WLS: variants seen among roughly 807,000 people sequenced by gnomAD.
WLS encodes protein wntless homolog.
In WLS, 23 loss-of-function variants were observed where a neutral mutation model predicts 62.8. That is an observed-to-expected ratio of 0.37 (90% confidence interval 0.26 to 0.52). WLS has a LOEUF of 0.52. Among genes scored for constraint, WLS ranks in the 20% least tolerant of loss-of-function variants. The pLI is 0.92. For missense variants in WLS, 615 were observed against 697.3 expected (o/e 0.88, Z 1.33); for synonymous variants, 246 against 244.1 (o/e 1.01, Z -0.07).
At chr1:68,207,505 T>C (rs1046257763) in intron 1 of WLS, among the ~76,000 whole-genome samples, 7 of 152,218 alleles carry the variant, frequency 4.6e-5, no homozygotes, top group East Asian at 1.9e-4. Context: ...TCCTAATATA[T>C]TTCAAAATTT....
intron 5 of WLS, among the ~76,000 whole-genome samples, chr1:68,152,058 A>G (rs1444888041): frequency 6.6e-6 from 1 of 152,196 alleles, no homozygotes; most frequent in Non-Finnish European, 1.5e-5. Context: ...TGAAAAACAG[A>G]GACATACAGG....
chr1:68,147,062 T>C (rs1483332113), intron 8 of WLS, among the ~76,000 whole-genome samples: 2 of 152,164 alleles, frequency 1.3e-5, no homozygotes, highest in Non-Finnish European at 2.9e-5. Context: ...AAATTGTCTA[T>C]TTTTAAAAGC....
rs1481250212 is a variant in WLS, at chr1:68,138,057, C to A, written c.1363-124G>T. On this transcript the variant is annotated intron_variant, in intron 10 of 11. Coordinates refer to ENST00000262348, the MANE Select transcript of WLS (RefSeq NM_024911.7). ...TCTACATGTGGGAAACATGAAGGGCCATGTAAGACTCCATCTTTTAATCTG... is the reference window on the plus strand; with the variant it reads ...TCTACATGTGGGAAACATGAAGGGCAATGTAAGACTCCATCTTTTAATCTG... 3 of 1,050,528 alleles carry A rather than the reference C, an allele frequency of 2.9e-6. No homozygotes were observed. In the African/African-American group the frequency reaches 4.8e-5, roughly 17 times the overall value. 65.1% of individuals were successfully genotyped at this position (1,050,528 alleles called of 1,614,324 possible). A position where few individuals can be genotyped will look rare whatever the true frequency, so the allele number is the denominator to read the frequency against.
chr1:68,192,340 G>A (rs934025133), intron 2 of WLS, among the ~76,000 whole-genome samples: 1 of 152,058 alleles, frequency 6.6e-6, no homozygotes, highest in African/African-American at 2.4e-5. Flanking sequence ...CTTCAGATCA[G>A]GCATGGTGGC....
At chr1:68,183,496 G>C (rs1359712204) in intron 2 of WLS, 1 of 529,834 alleles carries the variant, frequency 1.9e-6, no homozygotes, top group South Asian at 1.4e-5. Flanking sequence ...TTCCTCAGAA[G>C]CATCAGAAAA....
chr1:68,208,334 C>G (rs574483409), intron 1 of WLS, among the ~76,000 whole-genome samples: 76 of 152,132 alleles, frequency 5.0e-4, no homozygotes, highest in Admixed American at 1.8e-3. Flanking sequence ...TTTGCCTCTT[C>G]TGTCACAACC....
chr1:68,150,112 A>G, intron 6 of WLS, 76 bp downstream of exon 6: 1 of 1,500,882 alleles, frequency 6.7e-7, no homozygotes, highest in Non-Finnish European at 9.1e-7. Flanking sequence ...ACTAGAGGCA[A>G]AGGGGGGCAG....
intron 10 of WLS, among the ~76,000 whole-genome samples, chr1:68,143,760 C>T (rs958035972): frequency 2.0e-5 from 3 of 152,124 alleles, no homozygotes; most frequent in African/African-American, 4.8e-5. Flanking sequence ...GAATGCATCC[C>T]TCTTTGTAAA....
At chr1:68,215,696 AT>A (rs1649698691) in intron 1 of WLS, among the ~76,000 whole-genome samples, 1 of 152,234 alleles carries the variant, frequency 6.6e-6, no homozygotes, top group South Asian at 2.1e-4. Context: ...CCAACAATAG[AT>A]TGAGCAATTT....
intron 11 of WLS, among the ~76,000 whole-genome samples, chr1:68,134,571 C>T (rs1400998736): frequency 6.6e-6 from 1 of 152,228 alleles, no homozygotes; most frequent in Admixed American, 6.5e-5. Context: ...TTCTTTATGA[C>T]ATGAGCCTTG....
chr1:68,203,547 T>C (rs572515926), intron 1 of WLS, among the ~76,000 whole-genome samples: 75 of 152,296 alleles, frequency 4.9e-4, no homozygotes, highest in African/African-American at 1.8e-3. Context: ...CATAAAGAAA[T>C]GATGGAGTAA....
intron 8 of WLS, 145 bp from the exon 9 acceptor site, chr1:68,146,157 G>T: frequency 1.1e-6 from 1 of 888,760 alleles, no homozygotes; most frequent in African/African-American, 1.7e-5. Context: ...ATTAAAACCT[G>T]ATATTCTAAT....
intron 2 of WLS, chr1:68,162,528 A>G (rs796606458): frequency 1.2e-6 from 2 of 1,610,424 alleles, no homozygotes; most frequent in Non-Finnish European, 1.7e-6. Context: ...CCCTGCGATC[A>G]AAGCCGATGA....
downstream of WLS, among the ~76,000 whole-genome samples, chr1:68,121,430 G>A (rs2100360034): frequency 6.6e-6 from 1 of 152,300 alleles, no homozygotes; most frequent in Middle Eastern, 3.4e-3. Context: ...TGTTCCCTGA[G>A]AGATCAGTGT....
Position 68,126,209 on chromosome 1 carries a change from C to T in WLS, c.*17G>A, listed in dbSNP as rs1193800932. 1 of 1,613,824 alleles carries T rather than the reference C, an allele frequency of 6.2e-7. No homozygotes were observed. Among genetic ancestry groups the T allele is most frequent in the Non-Finnish European group, 8.5e-7 (1 of 1,179,904 alleles). On this transcript the variant is annotated 3_prime_UTR_variant, in exon 12 of 12. Transcript: ENST00000262348. The stretch of plus-strand genomic sequence containing the variant: ...CTGGGGTATGGAGAGACCGTCCCAG[C>T]CGGGCGCTGCAGCCTCCTACTCCTG...
chr1:68,145,731 C>A, intron 9 of WLS, 138 bp downstream of exon 9: 1 of 1,414,734 alleles, frequency 7.1e-7, no homozygotes, highest in Non-Finnish European at 9.4e-7. Context: ...TCTAATTTTG[C>A]CCAGAGATCC....
chr1:68,230,786 T>C (rs147248268), intron 1 of WLS, among the ~76,000 whole-genome samples: 44 of 152,318 alleles, frequency 2.9e-4, no homozygotes, highest in Admixed American at 2.1e-3. Context: ...CCCACTCTCC[T>C]TTGTTTAAGA....
rs74081617 is a variant in WLS, at chr1:68,220,478, A to G, written c.106+11716T>C. Among the ~76,000 whole-genome samples the G allele has an allele frequency of 5.8e-3, 883 of 152,330 alleles. 6 individuals are homozygous for G. The highest frequency in any genetic ancestry group is 0.02 in the African/African-American group (839 of 41,576). ...CCCGTGACTCAGAGATTTTTGGTTC[A>G]GGAAACTGAGGCTCACAGAATTTAA... On this transcript the variant is annotated intron_variant, in intron 1 of 11. Transcript: ENST00000262348.
At chr1:68,221,709 G>A (rs550408342) in intron 1 of WLS, among the ~76,000 whole-genome samples, 1 of 152,322 alleles carries the variant, frequency 6.6e-6, no homozygotes, top group African/African-American at 2.4e-5. Context: ...CTGAAGGCAA[G>A]CTTGTTAAAC....
Sources: allele counts gnomAD v4.1 joint callset (sites outside exome capture counted in the v4.1 genomes callset), GRCh38; gene constraint gnomAD v4.1.1; transcripts MANE v1.5; gene names NCBI Gene and HGNC (gene_info 2026-07-23, HGNC 2026-07-21).